RALGPS1: variants seen among roughly 807,000 people sequenced by gnomAD.
RALGPS1 encodes the protein ras-specific guanine nucleotide-releasing factor RalGPS1.
RALGPS1 carries 19 observed loss-of-function variants against 78.8 expected under a neutral mutation model. That is an observed-to-expected ratio of 0.24 (90% CI 0.17 to 0.35). The LOEUF (loss-of-function observed/expected upper bound fraction) is 0.35. RALGPS1 is among the 10% of genes least tolerant of loss of function. The pLI is 1.00. For missense variants in RALGPS1, 454 were observed against 688.3 expected (o/e 0.66, Z 3.81); for synonymous variants, 228 against 256.3 (o/e 0.89, Z 1.06).
chr9:127,016,927 A>G (rs2044888778), intron 4 of RALGPS1: 1 of 152,186 alleles, frequency 6.6e-6, no homozygotes, highest in Non-Finnish European at 1.5e-5. Flanking sequence ...TACATCAGTT[A>G]GAGCTGTGTT....
chr9:126,966,057 G>A (rs480796), intron 3 of RALGPS1, 106 bp downstream of exon 3: 522,521 of 760,686 alleles, frequency 0.69, 188,329 homozygotes, highest in East Asian at 0.77. Context: ...TATATGCCCA[G>A]CAAGAGGGGA....
At chr9:127,176,055 T>A (rs995459496) in intron 11 of RALGPS1, among the ~76,000 whole-genome samples, 1 of 152,074 alleles carries the variant, frequency 6.6e-6, no homozygotes, top group Admixed American at 6.5e-5. Flanking sequence ...CCTGGCTGCA[T>A]TGGACAAGCC....
At chr9:127,065,206 C>T (rs1359376154) in intron 7 of RALGPS1, among the ~76,000 whole-genome samples, 5 of 152,054 alleles carry the variant, frequency 3.3e-5, no homozygotes, top group Non-Finnish European at 5.9e-5. Context: ...CTTCGCATCC[C>T]GGGTTCAAGG....
At chr9:126,981,160 C>T (rs1169182125) in intron 4 of RALGPS1, among the ~76,000 whole-genome samples, 1 of 152,080 alleles carries the variant, frequency 6.6e-6, no homozygotes, top group Non-Finnish European at 1.5e-5. Flanking sequence ...GATTCTTGTC[C>T]TTGGAGATCT....
At chr9:127,148,347 C>A (rs557251235) in intron 8 of RALGPS1, among the ~76,000 whole-genome samples, 5 of 152,362 alleles carry the variant, frequency 3.3e-5, no homozygotes, top group Middle Eastern at 3.4e-3. Flanking sequence ...AGGACACAGG[C>A]ACTTCTTCAG....
chr9:127,113,989 C>G (rs1016841145), intron 8 of RALGPS1, among the ~76,000 whole-genome samples: 1 of 152,258 alleles, frequency 6.6e-6, no homozygotes, highest in Non-Finnish European at 1.5e-5. Context: ...GGCCTGGGAT[C>G]CTCTTTTGAG....
intron 8 of RALGPS1, among the ~76,000 whole-genome samples, chr9:127,117,647 G>A (rs1434484953): frequency 1.3e-5 from 2 of 152,218 alleles, no homozygotes; most frequent in Non-Finnish European, 2.9e-5. Flanking sequence ...GAATGGTGTG[G>A]CACCCTGGGG....
At chr9:126,955,854 C>T (rs1231622049) in intron 1 of RALGPS1, among the ~76,000 whole-genome samples, 1 of 152,108 alleles carries the variant, frequency 6.6e-6, no homozygotes, top group Non-Finnish European at 1.5e-5. Flanking sequence ...TCAGATTTCC[C>T]GTGGATTGGC....
chr9:126,942,506 C>T (rs2036881343), intron 1 of RALGPS1, among the ~76,000 whole-genome samples: 1 of 152,200 alleles, frequency 6.6e-6, no homozygotes, highest in African/African-American at 2.4e-5. Context: ...TGAAATGCCT[C>T]TTGGTTATAT....
At chr9:127,143,710 A>G (rs1349771737) in intron 8 of RALGPS1, among the ~76,000 whole-genome samples, 1 of 152,240 alleles carries the variant, frequency 6.6e-6, no homozygotes, top group African/African-American at 2.4e-5. Context: ...TTCTGGGAGT[A>G]TGTTTATGTC....
chr9:127,161,443 G>A (rs148676377), intron 8 of RALGPS1, among the ~76,000 whole-genome samples: 1 of 152,362 alleles, frequency 6.6e-6, no homozygotes, highest in African/African-American at 2.4e-5. Context: ...GTGAGTGGGA[G>A]AGCCTGGGTT....
chr9:127,210,658 A>C, intron 14 of RALGPS1: 3 of 1,487,216 alleles, frequency 2.0e-6, no homozygotes, highest in Non-Finnish European at 2.8e-6. Context: ...CTGGTCTTTC[A>C]AAGCTGTTGC....
intron 4 of RALGPS1, among the ~76,000 whole-genome samples, chr9:127,032,575 A>G (rs904483098): frequency 1.7e-4 from 26 of 152,240 alleles, no homozygotes; most frequent in African/African-American, 5.5e-4. Context: ...AGAGAGGCCT[A>G]TGTCTTCACA....
Position 127,165,724 on chromosome 9 carries a change from A to G in RALGPS1, c.611-345A>G, listed in dbSNP as rs555367081. 1.0e-4 allele frequency among the ~76,000 whole-genome samples: 16 copies of G among 152,386 alleles called. No individual in the cohort carries two copies. The East Asian group carries it at 1.5e-3, about 15-fold the overall frequency. The stretch of plus-strand genomic sequence containing the variant: ...CTCCTGGACATGGCACCTTAGACCT[A>G]TTAAACTTCAGCAGTTGGTAAGAAA... On this transcript the variant is annotated intron_variant, in intron 8 of 18. Coordinates refer to ENST00000259351, the MANE Select transcript of RALGPS1 (RefSeq NM_014636.3).
intron 5 of RALGPS1, among the ~76,000 whole-genome samples, chr9:127,046,641 G>A (rs1378710694): frequency 2.1e-5 from 3 of 142,570 alleles, no homozygotes; most frequent in Non-Finnish European, 3.0e-5. Flanking sequence ...GAGAAAACCT[G>A]CTTTGGTGAC....
intron 11 of RALGPS1, among the ~76,000 whole-genome samples, chr9:127,180,606 T>G (rs2060151910): frequency 6.6e-6 from 1 of 152,214 alleles, no homozygotes; most frequent in Non-Finnish European, 1.5e-5. Context: ...TACACTTACC[T>G]CTTGAGAGTG....
intron 4 of RALGPS1, among the ~76,000 whole-genome samples, chr9:127,031,026 C>T (rs974141921): frequency 6.6e-6 from 1 of 152,144 alleles, no homozygotes; most frequent in Non-Finnish European, 1.5e-5. Flanking sequence ...GGCCAGGGAC[C>T]GTCTGGGCAA....
intron 11 of RALGPS1, chr9:127,178,459 C>T (rs917587064): frequency 4.0e-6 from 4 of 1,002,326 alleles, no homozygotes; most frequent in African/African-American, 1.7e-5. Context: ...CAGTGCGCAA[C>T]ATAGAACACA....
chr9:127,168,728 C>G lies in RALGPS1; in HGVS notation c.798C>G (p.Arg266=). 1 of 1,613,964 alleles carries G rather than the reference C, an allele frequency of 6.2e-7. No individual in the cohort carries two copies. Among genetic ancestry groups the G allele is most frequent in the South Asian group, 1.1e-5 (1 of 91,076 alleles). ...PHVQKYLKSV[R]YIEELQKFVE... Reference sequence around the variant, plus strand: ...TGCAGAAGTACCTGAAGTCCGTACGCTACATTGAAGAGCTCCAGAAGTTTG... The same window carrying G: ...TGCAGAAGTACCTGAAGTCCGTACGGTACATTGAAGAGCTCCAGAAGTTTG... Residue 266 remains arginine, a synonymous_variant, in exon 10 of 19, where the codon CGC becomes CGG. Transcript: ENST00000259351.
Sources: gnomAD v4.1 joint callset for allele counts (sites outside exome capture counted in the v4.1 genomes callset) on GRCh38, gnomAD v4.1.1 for gene constraint, MANE v1.5 for transcripts, NCBI Gene and HGNC (gene_info 2026-07-23, HGNC 2026-07-21) for gene names.